ANAPC11: variants seen among roughly 807,000 people sequenced by gnomAD.
ANAPC11 encodes anaphase promoting complex subunit 11.
Under a neutral mutation model 11.8 loss-of-function variants are expected in ANAPC11, and 5 were observed. The observed-to-expected ratio is 0.42, with a 90% CI of 0.22 to 0.89. The LOEUF (loss-of-function observed/expected upper bound fraction) is 0.89. Ranked by LOEUF, ANAPC11 falls within the 40% of genes least tolerant of loss-of-function variation. The pLI, the probability that ANAPC11 is intolerant of heterozygous loss-of-function variation, is 0.28. For synonymous variants in ANAPC11, 45 were observed against 41.0 expected (o/e 1.10, Z -0.38); for missense variants, 68 against 112.9 (o/e 0.60, Z 1.80).
chr17:81,894,795 G>A lies in ANAPC11; in HGVS notation c.109+209G>A, dbSNP rs768241277. The stretch of plus-strand genomic sequence containing the variant: ...TGCAATGGCGCGATCTCGGCTTGCC[G>A]CAACCTCTGCCTCCCGGGTTCAAAC... On this transcript the variant is annotated intron_variant, in intron 3 of 3. Coordinates refer to ENST00000344877, the MANE Select transcript of ANAPC11 (RefSeq NM_001002248.3). The A allele has an allele frequency of 6.4e-5, 27 of 420,812 alleles. No homozygotes were observed. The South Asian group carries it at 1.0e-3, about 16-fold the overall frequency. 26.1% of individuals were successfully genotyped at this position (420,812 alleles called of 1,614,324 possible). A position where few individuals can be genotyped will look rare whatever the true frequency, so the allele number is the denominator to read the frequency against.
upstream of ANAPC11, chr17:81,891,443 G>A: frequency 2.9e-6 from 3 of 1,017,340 alleles, no homozygotes; most frequent in Non-Finnish European, 3.5e-6. Flanking sequence ...GCGCCCCACC[G>A]CCGCGGCCGC....
chr17:81,900,463 G>A (rs1259279364), downstream of ANAPC11: 3 of 251,706 alleles, frequency 1.2e-5, no homozygotes, highest in South Asian at 1.2e-4. Context: ...GATTGCCGGC[G>A]GCGGCCCTGG....
At chr17:81,899,145 G>C in intron 3 of ANAPC11, 1 of 1,293,220 alleles carries the variant, frequency 7.7e-7, no homozygotes, top group Non-Finnish European at 1.1e-6. Flanking sequence ...GTGCTCTGTT[G>C]GCAGCAGCTG....
At chr17:81,895,117 C>G (rs145274135) in intron 3 of ANAPC11, among the ~76,000 whole-genome samples, 1 of 142,036 alleles carries the variant, frequency 7.0e-6, no homozygotes. Flanking sequence ...TGCAATGGCG[C>G]GATCTCGGCT....
At position 81,899,751 on chromosome 17, in the gene ANAPC11, G is replaced by C. The variant is rs1335800992; in HGVS notation, c.110-169G>C. On this transcript the variant is annotated intron_variant, in intron 3 of 3. Coordinates refer to ENST00000344877, the MANE Select transcript of ANAPC11 (RefSeq NM_001002248.3). ...CTGGTCTTCGCCTGGGGGCGGGCTG[G>C]TCAGGAGACCGATTGGGTAACACTC... 8.4e-6 allele frequency: 8 copies of C among 957,400 alleles called. No individual in the cohort carries two copies. In the Admixed American group the frequency reaches 2.0e-4, roughly 24 times the overall value. 59.3% of individuals were successfully genotyped at this position (957,400 alleles called of 1,614,324 possible).
chr17:81,896,754 CA>C (rs2039756834), intron 3 of ANAPC11, among the ~76,000 whole-genome samples: 1 of 147,852 alleles, frequency 6.8e-6, no homozygotes, highest in Admixed American at 6.8e-5. Context: ...CCTACTGTCT[CA>C]GCCTCCCAAG....
chr17:81,890,925 C>T (rs544229875), upstream of ANAPC11: 166 of 1,524,186 alleles, frequency 1.1e-4, no homozygotes, highest in Admixed American at 1.9e-4. Context: ...CTGAGAGGAT[C>T]CGGCCGAAAC....
intron 3 of ANAPC11, chr17:81,898,924 C>T (rs1232331591): frequency 7.0e-6 from 3 of 429,356 alleles, no homozygotes; most frequent in African/African-American, 6.0e-5. Context: ...AGACCCCTCT[C>T]CTCAGGGGGC....
intron 3 of ANAPC11, among the ~76,000 whole-genome samples, chr17:81,897,387 G>A (rs2039782082): frequency 6.6e-6 from 1 of 152,218 alleles, no homozygotes; most frequent in Non-Finnish European, 1.5e-5. Context: ...GTCCACCTCG[G>A]CCTCCCAAAG....
upstream of ANAPC11, chr17:81,891,393 C>T (rs1445536502): frequency 9.2e-7 from 1 of 1,092,612 alleles, no homozygotes; most frequent in South Asian, 3.4e-5. Context: ...CGGCCGGTTC[C>T]GGATGGGCCC....
intron 3 of ANAPC11, chr17:81,899,075 C>G: frequency 1.4e-6 from 1 of 733,294 alleles, no homozygotes; most frequent in South Asian, 1.9e-5. Context: ...AGGGTGGCCA[C>G]GAGCTCCAGC....
intron 1 of ANAPC11, 142 bp downstream of exon 1, chr17:81,891,983 GCGGGT>G: frequency 6.2e-6 from 1 of 160,820 alleles, no homozygotes; most frequent in South Asian, 1.4e-4. Context: ...TACGGGCGCG[GCGGGT>G]GCCTGGGAGC....
upstream of ANAPC11, chr17:81,891,203 C>T (rs910148744): frequency 1.2e-5 from 10 of 850,972 alleles, no homozygotes; most frequent in Non-Finnish European, 1.5e-5. Context: ...TCCGGACCTC[C>T]GGGCGGCCGC....
At chr17:81,895,101 C>G (rs886262972) in intron 3 of ANAPC11, among the ~76,000 whole-genome samples, 1 of 134,796 alleles carries the variant, frequency 7.4e-6, no homozygotes, top group African/African-American at 2.9e-5. Context: ...GTTGCCCAGG[C>G]TGGAGTGCAA....
intron 2 of ANAPC11, 65 bp from the exon 3 acceptor site, chr17:81,894,402 T>G: frequency 1.1e-6 from 1 of 923,550 alleles, no homozygotes; most frequent in Non-Finnish European, 1.7e-6. Context: ...ATACCTGTGT[T>G]GGTGCCTAAA....
At chr17:81,891,454 C>T, upstream of ANAPC11, 3 of 1,044,778 alleles carry the variant, frequency 2.9e-6, no homozygotes, top group Non-Finnish European at 3.4e-6. Context: ...CCGCGGCCGC[C>T]CTGGGAGCCG....
At chr17:81,899,048 G>A (rs890839923) in intron 3 of ANAPC11, 13 of 626,074 alleles carry the variant, frequency 2.1e-5, no homozygotes, top group African/African-American at 1.1e-4. Context: ...CCGTGGGGCC[G>A]GCGCTGCCAG....
upstream of ANAPC11, chr17:81,891,390 T>G: frequency 9.0e-7 from 1 of 1,106,144 alleles, no homozygotes. Context: ...GGCCGGCCGG[T>G]TCCGGATGGG....
chr17:81,897,005 A>C (rs146828478), intron 3 of ANAPC11, among the ~76,000 whole-genome samples: 9,230 of 148,036 alleles, frequency 0.062, 939 homozygotes, highest in African/African-American at 0.22. Flanking sequence ...ATTTTTATTT[A>C]TTTATTTATT....
Sources: gnomAD v4.1 joint callset for allele counts (sites outside exome capture counted in the v4.1 genomes callset) on GRCh38, gnomAD v4.1.1 for gene constraint, MANE v1.5 for transcripts, NCBI Gene and HGNC (gene_info 2026-07-23, HGNC 2026-07-21) for gene names.